Variants in FIBCD1 observed in about 807,000 individuals in gnomAD.
FIBCD1 encodes fibrinogen C domain-containing protein 1.
A neutral mutation model predicts 45.1 loss-of-function variants in FIBCD1; 47 were observed. The ratio of observed to expected loss-of-function variants is 1.04; its 90% CI spans 0.82 to 1.33. The LOEUF is 1.33. FIBCD1 is among the 40% of genes most tolerant of loss of function. The pLI is 0.00. For synonymous variants in FIBCD1, 313 were observed against 308.1 expected (o/e 1.02, Z -0.17); for missense variants, 653 against 682.2 (o/e 0.96, Z 0.48).
chr9:130,909,276 G>A (rs1337837476), intron 5 of FIBCD1, among the ~76,000 whole-genome samples: 25 of 56,296 alleles, frequency 4.4e-4, no homozygotes, highest in South Asian at 6.7e-4. Flanking sequence ...GCCGCCCCTC[G>A]CCCCCAACCC....
rs1285089098 is a variant in FIBCD1 at position 130,902,523 on chromosome 9, A to C, written c.*1541T>G. On this transcript the variant is annotated 3_prime_UTR_variant, in exon 7 of 7. Coordinates refer to ENST00000372338, the MANE Select transcript of FIBCD1 (RefSeq NM_032843.5). ...CACCAACCCCCAGTGGTGCCAAGTC[A>C]AATTTATTGTTTTTTAAGCACAAAC... 3.9e-5 allele frequency: 6 copies of C among 152,240 alleles called. No homozygotes were observed. The highest frequency in any genetic ancestry group is 8.8e-5 in the Non-Finnish European group (6 of 68,054). 9.4% of individuals were successfully genotyped at this position (152,240 alleles called of 1,614,324 possible). A position where few individuals can be genotyped will look rare whatever the true frequency, so the allele number is the denominator to read the frequency against.
chr9:130,934,860 C>T (rs992932358), intron 1 of FIBCD1, among the ~76,000 whole-genome samples: 3 of 152,158 alleles, frequency 2.0e-5, no homozygotes, highest in Non-Finnish European at 4.4e-5. Flanking sequence ...CACACCACTC[C>T]CCAGCTAAAC....
At chr9:130,908,639 C>CT (rs149033241) in intron 5 of FIBCD1, among the ~76,000 whole-genome samples, 1,922 of 152,316 alleles carry the variant, frequency 0.013, 47 homozygotes, top group African/African-American at 0.044. Context: ...TTCCTCATCT[C>CT]TAAAAGGAGG....
At chr9:130,912,010 C>T (rs952289131) in intron 4 of FIBCD1, 122 bp from the exon 5 acceptor site, 17 of 870,882 alleles carry the variant, frequency 2.0e-5, no homozygotes, top group African/African-American at 3.4e-5. Flanking sequence ...CTCGGGAGGG[C>T]AGGGGCCTGG....
intron 4 of FIBCD1, among the ~76,000 whole-genome samples, chr9:130,918,724 ACCTCTGGGCAGTGCCCCCAGGGAGG>A (rs986757283): frequency 6.6e-6 from 1 of 152,076 alleles, no homozygotes; most frequent in Admixed American, 6.5e-5. Flanking sequence ...CTTTCTGGAC[ACCTCTGGGCAGTGCCCCCAGGGAGG>A]CCTCTGGGCT....
At chr9:130,912,668 C>T (rs951289451) in intron 4 of FIBCD1, among the ~76,000 whole-genome samples, 2 of 151,358 alleles carry the variant, frequency 1.3e-5, no homozygotes, top group South Asian at 4.2e-4. Flanking sequence ...GATCATGCCA[C>T]TACACTCCAG....
At chr9:130,912,925 C>A (rs537993274) in intron 4 of FIBCD1, among the ~76,000 whole-genome samples, 7 of 152,114 alleles carry the variant, frequency 4.6e-5, no homozygotes, top group Admixed American at 4.6e-4. Context: ...AGAGCCCTGT[C>A]CCTCAATAAG....
intron 5 of FIBCD1, among the ~76,000 whole-genome samples, chr9:130,908,666 C>G (rs1350952189): frequency 6.6e-6 from 1 of 152,206 alleles, no homozygotes; most frequent in Non-Finnish European, 1.5e-5. Context: ...CAGCAGGGCC[C>G]CCAACTAGGT....
rs760599369 is a variant in FIBCD1, at chr9:130,918,149, G to A, written c.849+5595C>T. Among the ~76,000 whole-genome samples, 110 of 152,346 alleles carry A rather than the reference G, an allele frequency of 7.2e-4. 1 individual carries two copies. Among genetic ancestry groups the A allele is most frequent in the Non-Finnish European group, 1.2e-3 (85 of 68,032 alleles). On this transcript the variant is annotated intron_variant, in intron 4 of 6. Transcript: ENST00000372338. ...TCAGTTTCCTCATCTGTAAAGCTAG[G>A]ATTATAAAAGCCTCAACCCACAAAG...
In FIBCD1 at chr9:130,924,201, GAGGC is replaced by G. The variant is rs991528679; in HGVS notation, c.712+32_712+35del. 6 of 1,527,092 alleles carry G rather than the reference GAGGC, an allele frequency of 3.9e-6. 1 individual carries two copies. The African/African-American group carries it at 8.2e-5, about 21-fold the overall frequency. The allele number at this position is 1,527,092 out of a possible 1,614,324, so 94.6% of individuals were successfully genotyped here. On this transcript the variant is annotated intron_variant, in intron 3 of 6. Coordinates refer to ENST00000372338, the MANE Select transcript of FIBCD1 (RefSeq NM_032843.5). ...TCCCCGCTCCCCAGAGCTGGGACCCGAGGCACCGGAGGAAGGCAGGCCCTGCCCC... is the reference window on the plus strand; with the variant it reads ...TCCCCGCTCCCCAGAGCTGGGACCCGACCGGAGGAAGGCAGGCCCTGCCCC...
chr9:130,926,798 G>A lies in FIBCD1; in HGVS notation c.553-2402C>T, dbSNP rs1832370027. 6.6e-6 allele frequency among the ~76,000 whole-genome samples: 1 copy of A among 152,160 alleles called. No homozygotes were observed. Among genetic ancestry groups the A allele is most frequent in the Admixed American group, 6.5e-5 (1 of 15,270 alleles). On this transcript the variant is annotated intron_variant, in intron 2 of 6. Transcript: ENST00000372338. This position sits in a 1 kb window ranked among gnomAD's most constrained non-coding sequence, Gnocchi z 4.1. Reference sequence around the variant, plus strand: ...GATTGAACCACTGCACTCCAGCTGGGTGACAGAGCGAGACAACCGTGTCTC... The same window carrying A: ...GATTGAACCACTGCACTCCAGCTGGATGACAGAGCGAGACAACCGTGTCTC...
Position 130,920,361 on chromosome 9 carries a change from C to T in FIBCD1, c.849+3383G>A, listed in dbSNP as rs887867611. On this transcript the variant is annotated intron_variant, in intron 4 of 6. Transcript: ENST00000372338. ...CTGACTCCCTCCCAGCCCCGCTCCCCGCTCACTCCTCACAGATGAGCAGCC... is the reference window on the plus strand; with the variant it reads ...CTGACTCCCTCCCAGCCCCGCTCCCTGCTCACTCCTCACAGATGAGCAGCC... Among the ~76,000 whole-genome samples, 9 of 152,262 alleles carry T rather than the reference C, an allele frequency of 5.9e-5. 1 individual carries two copies. The highest frequency in any genetic ancestry group is 4.1e-4 in the South Asian group (2 of 4,826).
At chr9:130,916,047 G>T (rs530299506) in intron 4 of FIBCD1, among the ~76,000 whole-genome samples, 30 of 152,282 alleles carry the variant, frequency 2.0e-4, no homozygotes, top group Admixed American at 1.4e-3. Context: ...CTCTGCCTCA[G>T]CCTCCTGAGT....
At chr9:130,934,992 C>T (rs188123023) in intron 1 of FIBCD1, among the ~76,000 whole-genome samples, 35 of 152,242 alleles carry the variant, frequency 2.3e-4, no homozygotes, top group African/African-American at 8.2e-4. Flanking sequence ...TTTGCAATCG[C>T]CCCGACCTGT....
intron 1 of FIBCD1, among the ~76,000 whole-genome samples, chr9:130,933,354 T>A (rs1832469671): frequency 6.6e-6 from 1 of 152,054 alleles, no homozygotes; most frequent in Admixed American, 6.5e-5. Context: ...CTGAGCTGGG[T>A]GCACTCCCTG....
intron 4 of FIBCD1, among the ~76,000 whole-genome samples, chr9:130,921,194 C>A (rs1426125925): frequency 6.6e-6 from 1 of 152,236 alleles, no homozygotes; most frequent in African/African-American, 2.4e-5. Context: ...GGTCTCGGGG[C>A]ACAGTTCCAG....
chr9:130,918,542 T>A (rs938683774), intron 4 of FIBCD1, among the ~76,000 whole-genome samples: 1 of 152,216 alleles, frequency 6.6e-6, no homozygotes, highest in Non-Finnish European at 1.5e-5. Flanking sequence ...TCTCCCAGCC[T>A]CCCGGGCTTT....
chr9:130,939,743 A>G (rs1346609380), upstream of FIBCD1, among the ~76,000 whole-genome samples: 1 of 151,794 alleles, frequency 6.6e-6, no homozygotes, highest in Non-Finnish European at 1.5e-5. Flanking sequence ...GATTTGTGCC[A>G]GGAGGGGGCT....
At chr9:130,904,498 C>T (rs1280032339) in intron 6 of FIBCD1, among the ~76,000 whole-genome samples, 175 bp from the exon 7 acceptor site, 1 of 152,174 alleles carries the variant, frequency 6.6e-6, no homozygotes, top group Non-Finnish European at 1.5e-5. Context: ...TGCCCCTCCA[C>T]ACCCGGGTGT....
Sources: allele counts gnomAD v4.1 joint callset (sites outside exome capture counted in the v4.1 genomes callset), GRCh38; gene constraint gnomAD v4.1.1; non-coding constraint Gnocchi (gnomAD v3.1); transcripts MANE v1.5; gene names NCBI Gene and HGNC (gene_info 2026-07-23, HGNC 2026-07-21).